The following GALNTL6 variants were observed in gnomAD, a reference collection of about 807,000 sequenced individuals.
The protein encoded by GALNTL6 is polypeptide N-acetylgalactosaminyltransferase like 6.
GALNTL6 carries 46 observed loss-of-function variants against 73.7 expected under a neutral mutation model. The ratio of observed to expected loss-of-function variants is 0.62; its 90% CI spans 0.49 to 0.80. The LOEUF is 0.80. GALNTL6 is among the 30% of genes least tolerant of loss of function. The pLI is 0.00. For missense variants in GALNTL6, 604 were observed against 755.0 expected (o/e 0.80, Z 2.34); for synonymous variants, 259 against 263.7 (o/e 0.98, Z 0.17).
At chr4:172,378,957 T>G (rs1362950416) in intron 5 of GALNTL6, among the ~76,000 whole-genome samples, 2 of 152,240 alleles carry the variant, frequency 1.3e-5, no homozygotes, top group African/African-American at 4.8e-5. Flanking sequence ...TATATATTAT[T>G]CTGGTAGAAT....
intron 10 of GALNTL6, among the ~76,000 whole-genome samples, chr4:172,978,411 C>G (rs1443170206): frequency 6.6e-6 from 1 of 152,184 alleles, no homozygotes; most frequent in Non-Finnish European, 1.5e-5. Flanking sequence ...ATCTCACTCA[C>G]AGGATACTAA....
At chr4:172,318,507 C>T (rs1289836318) in intron 4 of GALNTL6, among the ~76,000 whole-genome samples, 1 of 151,962 alleles carries the variant, frequency 6.6e-6, no homozygotes, top group Admixed American at 6.6e-5. Context: ...TCGAGACCAG[C>T]CTGGCCAACA....
chr4:172,180,827 T>C (rs547624882), intron 2 of GALNTL6, among the ~76,000 whole-genome samples: 2 of 152,308 alleles, frequency 1.3e-5, no homozygotes, highest in East Asian at 3.9e-4. Flanking sequence ...TTGGTACCAG[T>C]ACCATGCTGT....
In GALNTL6 at chr4:171,879,601, A is replaced by T. The variant is rs189667017; in HGVS notation, c.138+64883A>T. Reference sequence around the variant, plus strand: ...ATTCATCAGTTTGTTCAATAAACAAACAACCAATATCCACTAGGAAACAAA... The same window carrying T: ...ATTCATCAGTTTGTTCAATAAACAATCAACCAATATCCACTAGGAAACAAA... On this transcript the variant is annotated intron_variant, in intron 2 of 12. Transcript: ENST00000506823. 1.4e-3 allele frequency among the ~76,000 whole-genome samples: 209 copies of T among 152,344 alleles called. 1 individual carries two copies. The highest frequency in any genetic ancestry group is 4.8e-3 in the African/African-American group (199 of 41,592).
Position 172,285,261 on chromosome 4 carries a change from T to C in GALNTL6, c.248-26353T>C, listed in dbSNP as rs1292754167. 2.0e-5 allele frequency among the ~76,000 whole-genome samples: 3 copies of C among 152,134 alleles called. No individual in the cohort carries two copies. In the South Asian group the frequency reaches 6.2e-4, roughly 32 times the overall value. On this transcript the variant is annotated intron_variant, in intron 3 of 12. Transcript: ENST00000506823. Reference sequence around the variant, plus strand: ...AGTCTGTGAGGAAATTTATAGAAGCTTTTCATACTCTGAATTTATGGCTGA... The same window carrying C: ...AGTCTGTGAGGAAATTTATAGAAGCCTTTCATACTCTGAATTTATGGCTGA...
intron 10 of GALNTL6, among the ~76,000 whole-genome samples, chr4:172,962,051 G>C (rs541506260): frequency 1.7e-4 from 26 of 152,332 alleles, no homozygotes; most frequent in Non-Finnish European, 3.8e-4. Flanking sequence ...GGTAGGTAAA[G>C]GAAAATTACA....
At chr4:171,907,085 A>G (rs887163605) in intron 2 of GALNTL6, among the ~76,000 whole-genome samples, 6 of 152,148 alleles carry the variant, frequency 3.9e-5, no homozygotes, top group Non-Finnish European at 8.8e-5. Context: ...AAACTGGCAC[A>G]AGACAGGGAT....
chr4:172,851,963 C>T (rs1489087193), intron 7 of GALNTL6, among the ~76,000 whole-genome samples: 1 of 152,066 alleles, frequency 6.6e-6, no homozygotes, highest in Admixed American at 6.6e-5. Flanking sequence ...GTTTAGGTAA[C>T]CAAGGAGAAA....
At chr4:172,132,815 C>A (rs1733537049) in intron 2 of GALNTL6, among the ~76,000 whole-genome samples, 1 of 152,124 alleles carries the variant, frequency 6.6e-6, no homozygotes, top group South Asian at 2.1e-4. Context: ...TCTTATGAAT[C>A]TATCTCTCAT....
At chr4:172,544,444 A>G (rs147348594) in intron 5 of GALNTL6, among the ~76,000 whole-genome samples, 103 of 152,314 alleles carry the variant, frequency 6.8e-4, no homozygotes, top group African/African-American at 2.5e-3. Flanking sequence ...GCCACCTGCT[A>G]CAGTCCTCAT....
At chr4:172,526,075 G>A (rs1734943255) in intron 5 of GALNTL6, among the ~76,000 whole-genome samples, 1 of 152,178 alleles carries the variant, frequency 6.6e-6, no homozygotes, top group Admixed American at 6.6e-5. Context: ...GTGAATTAGT[G>A]ATAGTTCTCT....
At chr4:171,947,476 C>T (rs1317870245) in intron 2 of GALNTL6, among the ~76,000 whole-genome samples, 1 of 151,660 alleles carries the variant, frequency 6.6e-6, no homozygotes, top group Non-Finnish European at 1.5e-5. Flanking sequence ...AAATAACTCA[C>T]TTCTTTCTCT....
chr4:172,108,174 T>G (rs769024819), intron 2 of GALNTL6, among the ~76,000 whole-genome samples: 1 of 152,216 alleles, frequency 6.6e-6, no homozygotes, highest in Non-Finnish European at 1.5e-5. Context: ...TTTGTGTGTC[T>G]AGGAAAATAA....
At chr4:172,528,247 T>C (rs1735027775) in intron 5 of GALNTL6, among the ~76,000 whole-genome samples, 1 of 149,170 alleles carries the variant, frequency 6.7e-6, no homozygotes, top group African/African-American at 2.5e-5. Context: ...AGCTCCTAGT[T>C]GCTGGCATGA....
rs948821775 is a variant in GALNTL6 at position 171,814,384 on chromosome 4, G to T, written c.-169-28G>T. The T allele has an allele frequency of 1.0e-5, 6 of 602,364 alleles. No individual in the cohort carries two copies. In the Admixed American group the frequency reaches 1.8e-4, roughly 18 times the overall value. The allele number at this position is 602,364 out of a possible 1,614,324, so 37.3% of individuals were successfully genotyped here. On this transcript the variant is annotated intron_variant, in intron 1 of 12. Transcript: ENST00000506823. Reference sequence around the variant, plus strand: ...ATGCCTTCGTCATAGTTTTCTGGGGGGAAAGTAACTGTGCGTTTGTTCTGC... The same window carrying T: ...ATGCCTTCGTCATAGTTTTCTGGGGTGAAAGTAACTGTGCGTTTGTTCTGC...
intron 2 of GALNTL6, among the ~76,000 whole-genome samples, chr4:171,964,015 A>C (rs1413404214): frequency 6.6e-6 from 1 of 152,204 alleles, no homozygotes; most frequent in Non-Finnish European, 1.5e-5. Context: ...TTATATTATA[A>C]AAGAATCAAG....
chr4:172,538,669 G>T (rs1027092395), intron 5 of GALNTL6, among the ~76,000 whole-genome samples: 1 of 151,950 alleles, frequency 6.6e-6, no homozygotes, highest in African/African-American at 2.4e-5. Flanking sequence ...AGATATAGAT[G>T]AAAAAAACTT....
intron 2 of GALNTL6, among the ~76,000 whole-genome samples, chr4:172,185,152 T>G (rs1489326992): frequency 6.6e-6 from 1 of 152,174 alleles, no homozygotes; most frequent in Non-Finnish European, 1.5e-5. Context: ...GTGCTATTAC[T>G]CGTTATATAG....
chr4:171,970,607 T>C (rs1412585698), intron 2 of GALNTL6, among the ~76,000 whole-genome samples: 4 of 152,186 alleles, frequency 2.6e-5, no homozygotes, highest in African/African-American at 9.7e-5. Flanking sequence ...CCTAGGGAAT[T>C]GGATTAGCCC....
Sources: gnomAD v4.1 joint callset for allele counts (sites outside exome capture counted in the v4.1 genomes callset) on GRCh38, gnomAD v4.1.1 for gene constraint, MANE v1.5 for transcripts, NCBI Gene and HGNC (gene_info 2026-07-23, HGNC 2026-07-21) for gene names.